The following CMIP variants were observed in gnomAD, a reference collection of about 807,000 sequenced individuals.
The protein encoded by CMIP is C-Maf-inducing protein.
CMIP carries 13 observed loss-of-function variants against 97.3 expected under a neutral mutation model. The ratio of observed to expected loss-of-function variants is 0.13; its 90% confidence interval spans 0.09 to 0.21. The LOEUF (loss-of-function observed/expected upper bound fraction) is 0.21, where lower values mean the gene tolerates loss of function less well. CMIP is among the 10% of genes least tolerant of loss of function. The pLI, the probability that CMIP is intolerant of heterozygous loss-of-function variation, is 1.00. For missense variants in CMIP, 847 were observed against 1,024.9 expected (o/e 0.83, Z 2.37); for synonymous variants, 538 against 436.3 (o/e 1.23, Z -2.91).
At chr16:81,626,816 TGG>T (rs772134962) in intron 3 of CMIP, among the ~76,000 whole-genome samples, 4 of 118,666 alleles carry the variant, frequency 3.4e-5, no homozygotes, top group African/African-American at 6.3e-5. Flanking sequence ...TGTGTGTGTG[TGG>T]GGTGCATATG....
intron 1 of CMIP, among the ~76,000 whole-genome samples, chr16:81,489,191 G>T (rs2089367264): frequency 6.6e-6 from 1 of 152,126 alleles, no homozygotes; most frequent in South Asian, 2.1e-4. Flanking sequence ...GGCAAGGAGG[G>T]GTACGATGTG....
intron 1 of CMIP, among the ~76,000 whole-genome samples, chr16:81,531,601 A>G (rs1487076638): frequency 6.6e-6 from 1 of 152,256 alleles, no homozygotes; most frequent in Non-Finnish European, 1.5e-5. Flanking sequence ...TGACGTGCTC[A>G]CATGGCTTGA....
chr16:81,583,229 C>T (rs1234373049), intron 1 of CMIP, among the ~76,000 whole-genome samples: 5 of 152,318 alleles, frequency 3.3e-5, no homozygotes, highest in East Asian at 1.9e-4. Flanking sequence ...TCCCTATTGA[C>T]GGCGACAGCA....
At chr16:81,685,317 G>C (rs1567661635) in intron 10 of CMIP, among the ~76,000 whole-genome samples, 1 of 152,158 alleles carries the variant, frequency 6.6e-6, no homozygotes, top group Non-Finnish European at 1.5e-5. Flanking sequence ...GCCTCAGACA[G>C]GCCACAGTCT....
intron 10 of CMIP, among the ~76,000 whole-genome samples, chr16:81,680,250 G>C (rs971350975): frequency 6.6e-6 from 1 of 152,216 alleles, no homozygotes; most frequent in African/African-American, 2.4e-5. Flanking sequence ...GGCAGCGTTT[G>C]GTCATTCTGT....
chr16:81,690,395 G>A (rs1404492353), intron 10 of CMIP, among the ~76,000 whole-genome samples: 7 of 152,182 alleles, frequency 4.6e-5, no homozygotes, highest in Admixed American at 4.6e-4. Context: ...GGATTCCTGG[G>A]TATTTAGCAT....
At chr16:81,530,217 C>T (rs545627849) in intron 1 of CMIP, among the ~76,000 whole-genome samples, 37 of 152,156 alleles carry the variant, frequency 2.4e-4, no homozygotes, top group African/African-American at 7.5e-4. Context: ...CAGGGTCCCA[C>T]GTCTTATGAG....
intron 1 of CMIP, among the ~76,000 whole-genome samples, chr16:81,593,808 G>T (rs563365434): frequency 6.6e-6 from 1 of 152,122 alleles, no homozygotes. Context: ...GGGGGAGGGG[G>T]CAGCATAATC....
At chr16:81,454,558 C>T (rs1208677026) in intron 1 of CMIP, among the ~76,000 whole-genome samples, 1 of 152,150 alleles carries the variant, frequency 6.6e-6, no homozygotes, top group Non-Finnish European at 1.5e-5. Context: ...GCCAGCTATT[C>T]GTAAAGGGTA....
rs545107548 is a variant in CMIP at position 81,492,351 on chromosome 16, A to G, written c.300+46810A>G. Among the ~76,000 whole-genome samples the G allele has an allele frequency of 7.9e-5, 12 of 152,324 alleles. No homozygotes were observed. In the South Asian group the frequency reaches 2.3e-3, roughly 29 times the overall value. Reference sequence around the variant, plus strand: ...GTGCAGTGTTCAGTGTTATTAGTCAACAGCTGGCTTTGAGACACATGCCTG... The same window carrying G: ...GTGCAGTGTTCAGTGTTATTAGTCAGCAGCTGGCTTTGAGACACATGCCTG... On this transcript the variant is annotated intron_variant, in intron 1 of 20. Coordinates refer to ENST00000537098, the MANE Select transcript of CMIP (RefSeq NM_198390.3).
At chr16:81,696,743 C>G in intron 14 of CMIP, 76 bp downstream of exon 14, 2 of 1,367,460 alleles carry the variant, frequency 1.5e-6, no homozygotes, top group South Asian at 1.3e-5. Flanking sequence ...AAACAGCCGT[C>G]CCCCATCCCC....
intron 10 of CMIP, among the ~76,000 whole-genome samples, chr16:81,683,854 C>T (rs552443874): frequency 3.9e-4 from 58 of 149,482 alleles, no homozygotes; most frequent in African/African-American, 1.2e-3. Flanking sequence ...CTCTGCCTCG[C>T]GGGTTCAAGC....
intron 14 of CMIP, among the ~76,000 whole-genome samples, chr16:81,698,336 C>T (rs975352198): frequency 4.6e-5 from 7 of 152,220 alleles, no homozygotes; most frequent in African/African-American, 1.7e-4. Flanking sequence ...CGCCCATGCA[C>T]CAGAACAAAA....
intron 2 of CMIP, among the ~76,000 whole-genome samples, chr16:81,611,829 C>T (rs1469024936): frequency 6.6e-6 from 1 of 152,224 alleles, no homozygotes. Context: ...TGACCTGATC[C>T]TTCAAGGAAG....
intron 1 of CMIP, among the ~76,000 whole-genome samples, chr16:81,575,930 A>G (rs2091181285): frequency 6.6e-6 from 1 of 152,224 alleles, no homozygotes; most frequent in African/African-American, 2.4e-5. Flanking sequence ...CTAAACTGTA[A>G]GACTTTTCAA....
At chr16:81,585,347 T>A (rs773144178) in intron 1 of CMIP, among the ~76,000 whole-genome samples, 2 of 152,174 alleles carry the variant, frequency 1.3e-5, no homozygotes, top group East Asian at 1.9e-4. Flanking sequence ...TCTCAAAAAA[T>A]AATAATAATA....
intron 3 of CMIP, among the ~76,000 whole-genome samples, chr16:81,629,571 G>A (rs2150971964): frequency 6.6e-6 from 1 of 152,170 alleles, no homozygotes; most frequent in African/African-American, 2.4e-5. Context: ...TCTCCTTTTC[G>A]ACCTTTTTAC....
At chr16:81,703,708 C>T (rs535438967) in intron 17 of CMIP, 9 of 574,932 alleles carry the variant, frequency 1.6e-5, no homozygotes, top group African/African-American at 7.5e-5. Flanking sequence ...GAGGCTTTCT[C>T]CTCCGCCTGG....
intron 1 of CMIP, among the ~76,000 whole-genome samples, chr16:81,486,643 C>G (rs1328143713): frequency 6.6e-6 from 1 of 152,006 alleles, no homozygotes; most frequent in Non-Finnish European, 1.5e-5. Flanking sequence ...GTGGGCCGGC[C>G]CATTGCCCGG....
Sources: allele counts gnomAD v4.1 joint callset (sites outside exome capture counted in the v4.1 genomes callset), GRCh38; gene constraint gnomAD v4.1.1; transcripts MANE v1.5; gene names NCBI Gene and HGNC (gene_info 2026-07-23, HGNC 2026-07-21).